The following SBF2 variants were observed in gnomAD, a reference collection of about 807,000 sequenced individuals.
SBF2 encodes the protein myotubularin-related protein 13.
SBF2 carries 112 observed loss-of-function variants against 225.2 expected under a neutral mutation model. The observed-to-expected ratio is 0.50, with a 90% confidence interval of 0.43 to 0.58. The LOEUF (loss-of-function observed/expected upper bound fraction) is 0.58. SBF2 is among the 20% of genes least tolerant of loss of function. The pLI is 0.00. For missense variants in SBF2, 1,996 were observed against 2,206.2 expected, an observed-to-expected ratio of 0.90 and a Z score of 1.91; for synonymous variants, 763 against 773.3, an observed-to-expected ratio of 0.99 and a Z score of 0.22.
chr11:10,137,404 T>C (rs545572627), intron 2 of SBF2, among the ~76,000 whole-genome samples: 13 of 152,326 alleles, frequency 8.5e-5, no homozygotes, highest in Admixed American at 2.6e-4. Flanking sequence ...TTTTGTGGTA[T>C]TGAGCTGGCT....
chr11:10,134,160 C>CAT (rs1451577748), intron 2 of SBF2, among the ~76,000 whole-genome samples: 2 of 152,126 alleles, frequency 1.3e-5, no homozygotes, highest in East Asian at 1.9e-4. Flanking sequence ...GAGAAGAGAA[C>CAT]ATATATATAC....
chr11:9,988,146 A>G (rs531454310), intron 13 of SBF2, among the ~76,000 whole-genome samples: 1 of 152,314 alleles, frequency 6.6e-6, no homozygotes, highest in Non-Finnish European at 1.5e-5. Context: ...AAAGCAAACA[A>G]AAACATAAAG....
intron 14 of SBF2, among the ~76,000 whole-genome samples, chr11:9,966,681 G>T (rs7930396): frequency 0.99 from 150,851 of 152,342 alleles, 74,707 homozygotes; most frequent in Middle Eastern, 1. Context: ...ATAGAATATA[G>T]AGAGTATGCT....
At chr11:10,144,247 G>A (rs1954786097) in intron 2 of SBF2, among the ~76,000 whole-genome samples, 1 of 152,134 alleles carries the variant, frequency 6.6e-6, no homozygotes, top group African/African-American at 2.4e-5. Context: ...CAGCACTTTG[G>A]GAGGCAGAAG....
chr11:10,131,420 A>G (rs1446146208), intron 2 of SBF2, among the ~76,000 whole-genome samples: 1 of 151,718 alleles, frequency 6.6e-6, no homozygotes, highest in Non-Finnish European at 1.5e-5. Flanking sequence ...GTTGTTTTTA[A>G]AAAAGATTGT....
chr11:10,241,892 GAGAA>G (rs889452193), intron 1 of SBF2, among the ~76,000 whole-genome samples: 13 of 152,088 alleles, frequency 8.5e-5, no homozygotes, highest in Admixed American at 7.8e-4. Flanking sequence ...TCTCCAATGG[GAGAA>G]AGAAAGAGTA....
intron 13 of SBF2, among the ~76,000 whole-genome samples, chr11:9,983,274 C>T (rs1026211916): frequency 3.3e-5 from 5 of 152,174 alleles, no homozygotes; most frequent in Admixed American, 6.5e-5. Context: ...CTTCTGTTTG[C>T]GTGGGAGCTG....
intron 2 of SBF2, among the ~76,000 whole-genome samples, chr11:10,164,533 T>C (rs1955872857): frequency 6.6e-6 from 1 of 152,198 alleles, no homozygotes; most frequent in Non-Finnish European, 1.5e-5. Context: ...CAAGTGACCT[T>C]TTAACACATA....
intron 17 of SBF2, among the ~76,000 whole-genome samples, chr11:9,865,717 G>T (rs360164): frequency 9.3e-6 from 1 of 107,638 alleles, no homozygotes; most frequent in African/African-American, 3.6e-5. Context: ...AAAAAAAAAA[G>T]GCGGGAGGCG....
At chr11:9,796,307 A>T (rs1428869121) in intron 32 of SBF2, among the ~76,000 whole-genome samples, 1 of 152,182 alleles carries the variant, frequency 6.6e-6, no homozygotes, top group Non-Finnish European at 1.5e-5. Context: ...AGTGAGCCCA[A>T]ATTTAACCCT....
chr11:10,125,992 G>A (rs1387533947), intron 2 of SBF2, among the ~76,000 whole-genome samples: 1 of 152,178 alleles, frequency 6.6e-6, no homozygotes, highest in East Asian at 1.9e-4. Flanking sequence ...ATCATATTGG[G>A]AGGTACATTC....
intron 2 of SBF2, among the ~76,000 whole-genome samples, chr11:10,173,944 G>A (rs955976000): frequency 1.4e-4 from 22 of 152,080 alleles, no homozygotes; most frequent in African/African-American, 5.1e-4. Flanking sequence ...ACCTGCAGCT[G>A]AGGGTCCTGT....
At chr11:9,974,860 T>C (rs1174878859) in intron 13 of SBF2, among the ~76,000 whole-genome samples, 3 of 146,606 alleles carry the variant, frequency 2.0e-5, no homozygotes, top group Non-Finnish European at 3.0e-5. Context: ...CTTGGGAGGC[T>C]GAGGCAGGAG....
intron 2 of SBF2, among the ~76,000 whole-genome samples, chr11:10,110,110 G>A (rs1467254861): frequency 6.6e-6 from 1 of 152,120 alleles, no homozygotes; most frequent in African/African-American, 2.4e-5. Context: ...TCACATGTAT[G>A]AGGAAAAATA....
chr11:9,780,614 T>C, intron 39 of SBF2, 98 bp from the exon 40 acceptor site: 2 of 926,204 alleles, frequency 2.2e-6, no homozygotes, highest in Non-Finnish European at 3.5e-6. Context: ...TTCTTTTCCA[T>C]ACTGCCCCAG....
intron 17 of SBF2, among the ~76,000 whole-genome samples, chr11:9,890,020 C>T (rs548321553): frequency 5.9e-5 from 9 of 152,292 alleles, no homozygotes; most frequent in East Asian, 1.9e-4. Flanking sequence ...TCTTCTGTCT[C>T]GGCCTCCCAA....
chr11:10,019,034 T>C (rs748616576), intron 6 of SBF2, among the ~76,000 whole-genome samples: 8 of 152,178 alleles, frequency 5.3e-5, no homozygotes, highest in Non-Finnish European at 1.0e-4. Context: ...GCTAATTATA[T>C]TCTACTATAG....
chr11:9,884,415 T>A (rs1319678819), intron 17 of SBF2, among the ~76,000 whole-genome samples: 3 of 152,192 alleles, frequency 2.0e-5, no homozygotes, highest in African/African-American at 4.8e-5. Flanking sequence ...CTTTTAAAAA[T>A]GAAATCTTAC....
At chr11:10,001,340 C>T (rs1414776860) in intron 7 of SBF2, among the ~76,000 whole-genome samples, 2 of 152,092 alleles carry the variant, frequency 1.3e-5, no homozygotes, top group East Asian at 1.9e-4. Flanking sequence ...CGACATTAGA[C>T]AGTAACACTG....
Sources: allele counts gnomAD v4.1 joint callset (sites outside exome capture counted in the v4.1 genomes callset), GRCh38; gene constraint gnomAD v4.1.1; transcripts MANE v1.5; gene names NCBI Gene and HGNC (gene_info 2026-07-23, HGNC 2026-07-21).